The following FGD3 variants were observed in gnomAD, a reference collection of about 807,000 sequenced individuals.
The protein encoded by FGD3 is FYVE, RhoGEF and PH domain containing 3.
A neutral mutation model predicts 71.8 loss-of-function variants in FGD3; 45 were observed. That is an observed-to-expected ratio of 0.63 (90% confidence interval 0.49 to 0.80). The LOEUF (loss-of-function observed/expected upper bound fraction) is 0.80. FGD3 is among the 30% of genes least tolerant of loss of function. FGD3 has a pLI of 0.00. For missense variants in FGD3, 844 were observed against 951.5 expected, an observed-to-expected ratio of 0.89 and a Z score of 1.49; for synonymous variants, 378 against 392.8, an observed-to-expected ratio of 0.96 and a Z score of 0.44.
chr9:93,028,197 G>GAC lies in FGD3; in HGVS notation c.1558-1658_1558-1657dup, dbSNP rs371150500. Among the ~76,000 whole-genome samples, 360 of 147,264 alleles carry GAC rather than the reference G, an allele frequency of 2.4e-3. 3 individuals are homozygous for GAC. The Middle Eastern group carries it at 0.031, about 13-fold the overall frequency. On this transcript the variant is annotated intron_variant, in intron 14 of 17. Transcript: ENST00000375482. Reference sequence around the variant, plus strand: ...TTATGGCCCCTCAGCCCCTAGCCCCGACACACACACACACACACACGCACA... The same window carrying GAC: ...TTATGGCCCCTCAGCCCCTAGCCCCGACACACACACACACACACACACGCACA...
chr9:93,012,153 CAAA>C (rs60323624), intron 8 of FGD3, among the ~76,000 whole-genome samples: 49,107 of 118,168 alleles, frequency 0.42, 9,506 homozygotes, highest in African/African-American at 0.59. Flanking sequence ...GACTCTGTCT[CAAA>C]AAAAAAAAAA....
At position 93,003,942 on chromosome 9, in the gene FGD3, C is replaced by T; in HGVS notation, c.544-59C>T. On this transcript the variant is annotated intron_variant, in intron 4 of 17. Coordinates refer to ENST00000375482, the MANE Select transcript of FGD3 (RefSeq NM_001083536.2). This position sits in a 1 kb window ranked among gnomAD's most constrained non-coding sequence, Gnocchi z 4.1. ...GCCCTCACCTGTGGCCGAAGCGGGGCGGCAACTGTGCTCAGTGGAAGAGGC... is the reference window on the plus strand; with the variant it reads ...GCCCTCACCTGTGGCCGAAGCGGGGTGGCAACTGTGCTCAGTGGAAGAGGC... 6.3e-7 allele frequency: 1 copy of T among 1,597,118 alleles called. No individual in the cohort carries two copies. The highest frequency in any genetic ancestry group is 8.6e-7 in the Non-Finnish European group (1 of 1,168,168).
chr9:93,017,488 C>T (rs1399792274), intron 10 of FGD3, among the ~76,000 whole-genome samples: 1 of 151,806 alleles, frequency 6.6e-6, no homozygotes, highest in Non-Finnish European at 1.5e-5. Flanking sequence ...CATTCCAGTC[C>T]CCCAACTACC....
intron 1 of FGD3, among the ~76,000 whole-genome samples, chr9:92,955,809 C>T (rs4523324): frequency 0.89 from 135,623 of 152,250 alleles, 60,780 homozygotes; most frequent in East Asian, 1. Flanking sequence ...GTTATATAAA[C>T]GGAGTCATAT....
rs142282588 is a variant in FGD3 at position 92,963,279 on chromosome 9, G to T, written c.-217-11959G>T. Reference sequence around the variant, plus strand: ...TGGCACAGGGAAACTGAGGCCCAGAGAAATTGCTTTTATTTATTTATTTAT... The same window carrying T: ...TGGCACAGGGAAACTGAGGCCCAGATAAATTGCTTTTATTTATTTATTTAT... On this transcript the variant is annotated intron_variant, in intron 1 of 17. Coordinates refer to ENST00000375482, the MANE Select transcript of FGD3 (RefSeq NM_001083536.2). Among the ~76,000 whole-genome samples, 61 of 152,278 alleles carry T rather than the reference G, an allele frequency of 4.0e-4. No homozygotes were observed. In the East Asian group the frequency reaches 9.1e-3, roughly 23 times the overall value.
intron 1 of FGD3, among the ~76,000 whole-genome samples, chr9:92,970,011 C>T (rs1859476165): frequency 6.6e-6 from 1 of 152,182 alleles, no homozygotes; most frequent in African/African-American, 2.4e-5. Flanking sequence ...TCAGCAGCTC[C>T]AGCCTTGCTC....
intron 1 of FGD3, among the ~76,000 whole-genome samples, chr9:92,954,900 G>T (rs577658353): frequency 6.6e-6 from 1 of 152,278 alleles, no homozygotes; most frequent in African/African-American, 2.4e-5. Context: ...TTGTCTTCTG[G>T]AAAAGGAGAA....
chr9:92,948,136 G>A (rs2118484478), intron 1 of FGD3, among the ~76,000 whole-genome samples: 1 of 151,816 alleles, frequency 6.6e-6, no homozygotes, highest in African/African-American at 2.4e-5. Context: ...CAAATGGATG[G>A]GAAAGGAAAA....
intron 1 of FGD3, among the ~76,000 whole-genome samples, chr9:92,950,183 T>C (rs1224957688): frequency 6.6e-6 from 1 of 152,004 alleles, no homozygotes; most frequent in Non-Finnish European, 1.5e-5. Context: ...TTTGGGAGGC[T>C]GAGGCAGGTG....
intron 1 of FGD3, among the ~76,000 whole-genome samples, chr9:92,960,155 T>A (rs1394966894): frequency 1.3e-5 from 2 of 151,970 alleles, no homozygotes; most frequent in African/African-American, 4.8e-5. Context: ...TTCATGTCCC[T>A]ATGTCTTCAG....
rs76013880 is a variant in FGD3 at position 93,014,100 on chromosome 9, C to G, written c.1182+102C>G. 2.9e-6 allele frequency: 4 copies of G among 1,399,352 alleles called. No individual in the cohort carries two copies. The South Asian group carries it at 4.5e-5, about 16-fold the overall frequency. 86.7% of individuals were successfully genotyped at this position (1,399,352 alleles called of 1,614,324 possible). A position where few individuals can be genotyped will look rare whatever the true frequency, so the allele number is the denominator to read the frequency against. On this transcript the variant is annotated intron_variant, in intron 9 of 17. Transcript: ENST00000375482. ...GCTCTGGCTGCCCAAGGACATGGCT[C>G]TTCTGTGGCCTCTCCTACTGGGACT...
chr9:93,016,335 CTTTTTTTT>C (rs71511639), intron 10 of FGD3, among the ~76,000 whole-genome samples: 2 of 108,500 alleles, frequency 1.8e-5, no homozygotes, highest in Non-Finnish European at 3.7e-5. Flanking sequence ...GAATGACCTT[CTTTTTTTT>C]TTTTTTTTTT....
At chr9:93,027,911 G>T (rs1251018942) in intron 14 of FGD3, among the ~76,000 whole-genome samples, 1 of 151,548 alleles carries the variant, frequency 6.6e-6, no homozygotes, top group African/African-American at 2.4e-5. Flanking sequence ...TTGAGACGGG[G>T]TCTCACTATG....
intron 8 of FGD3, 50 bp downstream of exon 8, chr9:93,011,322 AGGGCCAGGGGCCCTTGT>A (rs763984206): frequency 6.2e-7 from 1 of 1,609,258 alleles, no homozygotes; most frequent in Non-Finnish European, 8.5e-7. Context: ...AGCAAGAGTG[AGGGCCAGGGGCCCTTGT>A]GGGCCAGCCC....
rs1005145903 is a variant in FGD3, at chr9:92,969,046, G to A, written c.-217-6192G>A. On this transcript the variant is annotated intron_variant, in intron 1 of 17. Coordinates refer to ENST00000375482, the MANE Select transcript of FGD3 (RefSeq NM_001083536.2). The surrounding 1 kb of genome is among the most constrained non-coding windows in gnomAD (Gnocchi z 4.5). ...TTAAGCCAGTGAGAAGCCATATGGG[G>A]ACCAGCGGATATAGGCAGTTCACAT... Among the ~76,000 whole-genome samples the A allele has an allele frequency of 6.6e-6, 1 of 152,232 alleles. No individual in the cohort carries two copies. The highest frequency in any genetic ancestry group is 1.9e-4 in the East Asian group (1 of 5,198).
intron 3 of FGD3, among the ~76,000 whole-genome samples, chr9:92,993,564 C>T (rs989247885): frequency 3.2e-4 from 48 of 152,098 alleles, no homozygotes; most frequent in African/African-American, 1.1e-3. Flanking sequence ...GTGCTGCACC[C>T]GTTAACTCAT....
chr9:92,985,483 ATTTG>A (rs1390133468), intron 3 of FGD3, among the ~76,000 whole-genome samples: 1 of 152,060 alleles, frequency 6.6e-6, no homozygotes, highest in Non-Finnish European at 1.5e-5. Flanking sequence ...TTGTTTGTTT[ATTTG>A]TTTGTTTTTT....
intron 6 of FGD3, among the ~76,000 whole-genome samples, chr9:93,006,871 C>G (rs1192567023): frequency 6.6e-6 from 1 of 151,454 alleles, no homozygotes. Context: ...GGAATACAGG[C>G]GCCCACCACC....
At chr9:93,019,690 C>T (rs1028615520) in intron 11 of FGD3, 141 bp from the exon 12 acceptor site, 7 of 811,974 alleles carry the variant, frequency 8.6e-6, no homozygotes, top group Admixed American at 6.0e-5. Flanking sequence ...GTTTTGAGGC[C>T]CTTGGGGCCA....
Sources: gnomAD v4.1 joint callset for allele counts (sites outside exome capture counted in the v4.1 genomes callset) on GRCh38, gnomAD v4.1.1 for gene constraint, Gnocchi (gnomAD v3.1) non-coding constraint, MANE v1.5 for transcripts, NCBI Gene and HGNC (gene_info 2026-07-23, HGNC 2026-07-21) for gene names.